The following SSBP3 variants were observed in gnomAD, a reference collection of about 807,000 sequenced individuals.
The protein encoded by SSBP3 is single-stranded DNA-binding protein 3.
Under a neutral mutation model 69.6 loss-of-function variants are expected in SSBP3, and 5 were observed. The observed-to-expected ratio is 0.07, with a 90% CI of 0.04 to 0.15. The LOEUF (loss-of-function observed/expected upper bound fraction) is 0.15. Among genes scored for constraint, SSBP3 ranks in the 10% least tolerant of loss-of-function variants. SSBP3 has a pLI of 1.00. For synonymous variants in SSBP3, 196 were observed against 193.4 expected, an observed-to-expected ratio of 1.01 and a Z score of -0.11; for missense variants, 312 against 534.0, an observed-to-expected ratio of 0.58 and a Z score of 4.10.
At chr1:54,346,998 C>T (rs752200594) in intron 4 of SSBP3, among the ~76,000 whole-genome samples, 3 of 151,990 alleles carry the variant, frequency 2.0e-5, no homozygotes, top group Non-Finnish European at 4.4e-5. Context: ...TTTTCAGACA[C>T]TGCACCAGGC....
At chr1:54,227,181 A>AGC (rs758852733) in intron 17 of SSBP3, 21 bp from the exon 18 acceptor site, 4 of 527,034 alleles carry the variant, frequency 7.6e-6, no homozygotes, top group African/African-American at 7.1e-5. Flanking sequence ...GAAGCAGAGA[A>AGC]GGGGGGGGGG....
In SSBP3 at chr1:54,308,070, A is replaced by G. The variant is rs117014630; in HGVS notation, c.277-26543T>C. Among the ~76,000 whole-genome samples, 38 of 152,298 alleles carry G rather than the reference A, an allele frequency of 2.5e-4. No homozygotes were observed. In the East Asian group the frequency reaches 7.3e-3, roughly 29 times the overall value. On this transcript the variant is annotated intron_variant, in intron 4 of 17. Coordinates refer to ENST00000610401, the Ensembl canonical transcript of SSBP3. ...GGGACCCCTTTCCTGTAACATCCCT[A>G]GTGCTTATAGAATCCATTAAGTCAT... is the stretch of plus-strand genomic sequence containing the variant.
intron 4 of SSBP3, among the ~76,000 whole-genome samples, chr1:54,377,478 G>C (rs1647285591): frequency 6.6e-6 from 1 of 152,224 alleles, no homozygotes; most frequent in Non-Finnish European, 1.5e-5. Context: ...AAAAGAGCAG[G>C]GTCACACAGG....
chr1:54,234,593 C>A (rs1212715615), intron 14 of SSBP3, among the ~76,000 whole-genome samples: 4 of 151,430 alleles, frequency 2.6e-5, no homozygotes, highest in African/African-American at 9.8e-5. Flanking sequence ...TCTAAACAGA[C>A]AAACAAACAA....
In SSBP3 at chr1:54,382,697, A is replaced by G. The variant is rs1647742843; in HGVS notation, c.276+19164T>C. Among the ~76,000 whole-genome samples, 3 of 152,186 alleles carry G rather than the reference A, an allele frequency of 2.0e-5. No individual in the cohort carries two copies. The South Asian group carries it at 6.2e-4, about 32-fold the overall frequency. On this transcript the variant is annotated intron_variant, in intron 4 of 17. Transcript: ENST00000610401. The stretch of plus-strand genomic sequence containing the variant: ...CTGGATGGCAGGCTTAGAAATAAAG[A>G]AGTCCCAGCCAGGCACAGTGGCTCA...
intron 4 of SSBP3, among the ~76,000 whole-genome samples, chr1:54,316,849 C>A (rs1486052735): frequency 6.6e-6 from 1 of 152,066 alleles, no homozygotes; most frequent in African/African-American, 2.4e-5. Flanking sequence ...TCAAGGCACT[C>A]GCAAATTTGG....
chr1:54,380,928 C>T (rs1370868992), intron 4 of SSBP3, among the ~76,000 whole-genome samples: 2 of 150,742 alleles, frequency 1.3e-5, no homozygotes, highest in Admixed American at 6.6e-5. Flanking sequence ...TGAGACCAGC[C>T]GGGAAAAACA....
intron 4 of SSBP3, among the ~76,000 whole-genome samples, chr1:54,375,956 G>A (rs1479132013): frequency 1.3e-5 from 2 of 152,176 alleles, no homozygotes; most frequent in African/African-American, 2.4e-5. Context: ...GAGGAGAGCA[G>A]GGAAGAGGAA....
chr1:54,260,395 C>T (rs553164649), intron 5 of SSBP3, among the ~76,000 whole-genome samples: 32 of 152,328 alleles, frequency 2.1e-4, no homozygotes, highest in African/African-American at 7.7e-4. Context: ...CCTGTGTGCC[C>T]AGTGGTCAGG....
intron 4 of SSBP3, among the ~76,000 whole-genome samples, chr1:54,305,483 A>G (rs1025415011): frequency 6.6e-6 from 1 of 152,194 alleles, no homozygotes; most frequent in African/African-American, 2.4e-5. Flanking sequence ...GCAATCACAG[A>G]GCCAGGGAAC....
At chr1:54,309,581 A>T (rs1253282603) in intron 4 of SSBP3, among the ~76,000 whole-genome samples, 1 of 152,226 alleles carries the variant, frequency 6.6e-6, no homozygotes, top group Non-Finnish European at 1.5e-5. Flanking sequence ...AGACAACGCC[A>T]GGCAGTCAGA....
chr1:54,400,273 G>C (rs1311681972), intron 4 of SSBP3, among the ~76,000 whole-genome samples: 1 of 152,156 alleles, frequency 6.6e-6, no homozygotes, highest in African/African-American at 2.4e-5. Flanking sequence ...CATCAAGAGA[G>C]TGAAAGACCC....
At chr1:54,383,177 C>G (rs971910234) in intron 4 of SSBP3, among the ~76,000 whole-genome samples, 1 of 151,546 alleles carries the variant, frequency 6.6e-6, no homozygotes, top group Non-Finnish European at 1.5e-5. Context: ...AGTTTGAGAC[C>G]GGCCTGGGCA....
chr1:54,387,930 A>G (rs944595531), intron 4 of SSBP3, among the ~76,000 whole-genome samples: 1 of 152,238 alleles, frequency 6.6e-6, no homozygotes, highest in Non-Finnish European at 1.5e-5. Flanking sequence ...CAAAAGCCTT[A>G]CATACAAGCA....
intron 4 of SSBP3, among the ~76,000 whole-genome samples, chr1:54,397,276 C>A (rs1648961649): frequency 6.6e-6 from 1 of 152,202 alleles, no homozygotes; most frequent in South Asian, 2.1e-4. Context: ...CTCTTGTCCC[C>A]CTCCCCCGAA....
At position 54,235,555 on chromosome 1, in the gene SSBP3, A is replaced by C. The variant is rs535035609; in HGVS notation, c.927+3574T>G. The stretch of plus-strand genomic sequence containing the variant: ...ACTGCAACCTCCGCCTCCCGGGTTC[A>C]AGCAATTCTGCCTCAGCCTCCTGAG... On this transcript the variant is annotated intron_variant, in intron 14 of 17. Coordinates refer to ENST00000610401, the Ensembl canonical transcript of SSBP3. Among the ~76,000 whole-genome samples the C allele has an allele frequency of 2.7e-5, 4 of 147,756 alleles. No homozygotes were observed. The Admixed American group carries it at 2.8e-4, about 10-fold the overall frequency.
intron 4 of SSBP3, among the ~76,000 whole-genome samples, chr1:54,284,397 C>T (rs959285431): frequency 2.6e-5 from 4 of 151,452 alleles, no homozygotes; most frequent in Admixed American, 1.3e-4. Context: ...TCATTCATGT[C>T]CTTTGCTATT....
intron 5 of SSBP3, among the ~76,000 whole-genome samples, chr1:54,275,908 G>A (rs971628099): frequency 1.3e-5 from 2 of 152,164 alleles, no homozygotes; most frequent in Non-Finnish European, 2.9e-5. Flanking sequence ...GCAGGAGATG[G>A]GGAAAGATTT....
chr1:54,371,054 C>A (rs1647124494), intron 4 of SSBP3, among the ~76,000 whole-genome samples: 1 of 152,084 alleles, frequency 6.6e-6, no homozygotes, highest in South Asian at 2.1e-4. Flanking sequence ...GGGAGAGGAG[C>A]AACAAGACTG....
Sources: gnomAD v4.1 joint callset for allele counts (sites outside exome capture counted in the v4.1 genomes callset) on GRCh38, gnomAD v4.1.1 for gene constraint, MANE v1.5 for transcripts, NCBI Gene and HGNC (gene_info 2026-07-23, HGNC 2026-07-21) for gene names.